SPEN: variants seen among roughly 807,000 people sequenced by gnomAD.
SPEN encodes the protein spen family transcriptional repressor.
In SPEN, 18 loss-of-function variants were observed where a neutral mutation model predicts 269.9. The ratio of observed to expected loss-of-function variants is 0.07; its 90% CI spans 0.05 to 0.10. SPEN has a LOEUF of 0.10. Ranked by LOEUF, SPEN falls within the 10% of genes least tolerant of loss-of-function variation. The pLI is 1.00. For synonymous variants in SPEN, 1,726 were observed against 1,765.7 expected (o/e 0.98, Z 0.56); for missense variants, 3,822 against 4,631.2 (o/e 0.83, Z 5.07).
Position 15,931,807 on chromosome 1 carries a change from A to C in SPEN, c.5567A>C (p.Asn1856Thr), listed in dbSNP as rs113470169. ...GACCGGGAAAAACTCAAGCGGTCCA[A>C]TTCTCCTCGGGGAGAAGCACAGAAG... ...RIDREKLKRS[N>T]SPRGEAQKLL... The change falls in exon 11 of 15, where the codon AAT becomes ACT. Residue 1856 changes from asparagine to threonine, a missense_variant. Coordinates refer to ENST00000375759, the MANE Select transcript of SPEN (RefSeq NM_015001.3). This position sits in a 1 kb window ranked among gnomAD's most constrained non-coding sequence, Gnocchi z 4.8. 36 of 1,614,118 alleles carry C rather than the reference A, an allele frequency of 2.2e-5. No individual in the cohort carries two copies. Among genetic ancestry groups the C allele is most frequent in the East Asian group, 1.6e-4 (7 of 44,902 alleles).
chr1:15,898,173 T>TTGTGTGTGTGTG lies in SPEN; in HGVS notation c.882-11122_882-11111dup, dbSNP rs58297957. ...TTGTATTTTACTTCTTAATTTATCT[T>TTGTGTGTGTGTG]TGTGTGTGTGTGTGTGTGTGTGTGT... is the stretch of plus-strand genomic sequence containing the variant. On this transcript the variant is annotated intron_variant, in intron 3 of 14. Coordinates refer to ENST00000375759, the MANE Select transcript of SPEN (RefSeq NM_015001.3). 2.1e-3 allele frequency among the ~76,000 whole-genome samples: 304 copies of TTGTGTGTGTGTG among 147,484 alleles called. 2 individuals carry two copies. Among genetic ancestry groups the TTGTGTGTGTGTG allele is most frequent in the Non-Finnish European group, 2.7e-3 (180 of 66,642 alleles).
intron 3 of SPEN, among the ~76,000 whole-genome samples, chr1:15,904,364 G>T (rs2070931881): frequency 6.7e-6 from 1 of 148,326 alleles, no homozygotes; most frequent in Non-Finnish European, 1.5e-5. Context: ...TACTTGGGAG[G>T]CTGAGGCAGG....
At chr1:15,925,302 C>T (rs2071155476) in intron 10 of SPEN, among the ~76,000 whole-genome samples, 2 of 152,162 alleles carry the variant, frequency 1.3e-5, no homozygotes, top group African/African-American at 2.4e-5. Context: ...ATTCAGATGA[C>T]ATCTACTTAT....
intron 5 of SPEN, among the ~76,000 whole-genome samples, chr1:15,913,669 G>A (rs978315454): frequency 1.3e-5 from 2 of 151,768 alleles, no homozygotes; most frequent in Admixed American, 1.3e-4. Context: ...CAGGAGGATC[G>A]CTTGAGCCCA....
At chr1:15,936,967 G>A (rs2071281268) in intron 11 of SPEN, among the ~76,000 whole-genome samples, 196 bp from the exon 12 acceptor site, 1 of 152,102 alleles carries the variant, frequency 6.6e-6, no homozygotes, top group Non-Finnish European at 1.5e-5. Flanking sequence ...ATCAGCAGGA[G>A]GCAGGTAATA....
chr1:15,852,932 A>T (rs933914792), intron 1 of SPEN, among the ~76,000 whole-genome samples: 3 of 152,152 alleles, frequency 2.0e-5, no homozygotes, highest in Non-Finnish European at 4.4e-5. Flanking sequence ...TCACGGCTCA[A>T]TGCAGCCTTG....
chr1:15,936,092 CCCT>C lies in SPEN; in HGVS notation c.9856_9858del (p.Pro3286del). 6.2e-7 allele frequency: 1 copy of C among 1,606,474 alleles called. No individual in the cohort carries two copies. The highest frequency in any genetic ancestry group is 8.5e-7 in the Non-Finnish European group (1 of 1,174,536). Reference sequence around the variant, plus strand: ...ACCAACTCCAGGGGCTGCCTCTGACCCCTCCTGTGGTGGTGACCCATGGGGTGC... The same window carrying C: ...ACCAACTCCAGGGGCTGCCTCTGACCCCTGTGGTGGTGACCCATGGGGTGC... On this transcript the variant is annotated inframe_deletion, in exon 11 of 15. Transcript: ENST00000375759.
rs1344618073 is a variant in SPEN, at chr1:15,937,765, C to T, written c.10510-47C>T. The T allele has an allele frequency of 1.9e-6, 3 of 1,611,460 alleles. No individual in the cohort carries two copies. Among genetic ancestry groups the T allele is most frequent in the East Asian group, 2.2e-5 (1 of 44,868 alleles). On this transcript the variant is annotated intron_variant, in intron 12 of 14. Transcript: ENST00000375759. This position sits in a 1 kb window ranked among gnomAD's most constrained non-coding sequence, Gnocchi z 5.7. ...GCCTCTGGCTGTGTCCAGCATGGCT[C>T]AGCGAGGGGCCATGAGCTCACTTCC... is the stretch of plus-strand genomic sequence containing the variant.
chr1:15,872,314 C>T (rs1472945859), intron 1 of SPEN, among the ~76,000 whole-genome samples: 7 of 151,100 alleles, frequency 4.6e-5, no homozygotes, highest in South Asian at 4.2e-4. Context: ...AGGAATGGGC[C>T]GGGCGCGGTG....
intron 5 of SPEN, among the ~76,000 whole-genome samples, chr1:15,912,017 T>G (rs985014557): frequency 6.6e-6 from 1 of 152,176 alleles, no homozygotes; most frequent in Non-Finnish European, 1.5e-5. Context: ...GTGGGGGACT[T>G]GTTAGACCAG....
At chr1:15,896,184 T>C (rs2070840060) in intron 3 of SPEN, among the ~76,000 whole-genome samples, 1 of 133,660 alleles carries the variant, frequency 7.5e-6, no homozygotes, top group Admixed American at 7.7e-5. Context: ...GATTTTACCA[T>C]CACTTTTTTT....
At chr1:15,880,508 T>C (rs1041338801) in intron 3 of SPEN, among the ~76,000 whole-genome samples, 1 of 142,520 alleles carries the variant, frequency 7.0e-6, no homozygotes, top group African/African-American at 2.7e-5. Context: ...CAGGCTGGAG[T>C]GCGGTGGCGC....
intron 5 of SPEN, among the ~76,000 whole-genome samples, chr1:15,913,431 T>A (rs1259857319): frequency 6.6e-6 from 1 of 152,092 alleles, no homozygotes; most frequent in African/African-American, 2.4e-5. Flanking sequence ...AATTTACTGC[T>A]GAGCGTGGTG....
intron 3 of SPEN, among the ~76,000 whole-genome samples, chr1:15,901,456 G>A (rs950119552): frequency 6.6e-6 from 1 of 151,434 alleles, no homozygotes; most frequent in Non-Finnish European, 1.5e-5. Context: ...AGACAACATG[G>A]CAAGACCCTG....
At chr1:15,867,712 CT>C (rs796378051) in intron 1 of SPEN, among the ~76,000 whole-genome samples, 600 of 137,726 alleles carry the variant, frequency 4.4e-3, no homozygotes, top group Admixed American at 4.6e-3. Context: ...TTGTCATTGC[CT>C]TTTTTTTTTT....
intron 1 of SPEN, among the ~76,000 whole-genome samples, chr1:15,850,400 G>GT (rs34927068): frequency 3.3e-4 from 50 of 149,934 alleles, no homozygotes; most frequent in Admixed American, 1.3e-3. Context: ...TATTTTAAAG[G>GT]TTTTTTTTTT....
Position 15,929,426 on chromosome 1 carries a change from C to T in SPEN, c.3186C>T (p.Ser1062=). Residue 1062 remains serine (S), a synonymous_variant, in exon 11 of 15, where the codon AGC becomes AGT. Coordinates refer to ENST00000375759, the MANE Select transcript of SPEN (RefSeq NM_015001.3). This position sits in a 1 kb window ranked among gnomAD's most constrained non-coding sequence, Gnocchi z 5.8. ...IKLDRLNTVA[S]PKDCQELASI... ...TGGACAGACTTAATACTGTTGCCAGCCCCAAAGACTGTCAGGAGCTTGCCA... is the reference window on the plus strand; with the variant it reads ...TGGACAGACTTAATACTGTTGCCAGTCCCAAAGACTGTCAGGAGCTTGCCA... The T allele has an allele frequency of 6.2e-7, 1 of 1,613,736 alleles. No individual in the cohort carries two copies. Among genetic ancestry groups the T allele is most frequent in the Non-Finnish European group, 8.5e-7 (1 of 1,179,874 alleles).
chr1:15,857,576 T>C (rs1200900427), intron 1 of SPEN, among the ~76,000 whole-genome samples: 2 of 150,866 alleles, frequency 1.3e-5, no homozygotes, highest in Admixed American at 6.6e-5. Flanking sequence ...AGGCTGGTCT[T>C]GAACTCCTGA....
chr1:15,858,969 A>G lies in SPEN; in HGVS notation c.83+10819A>G, dbSNP rs147755603. Among the ~76,000 whole-genome samples the G allele has an allele frequency of 4.2e-3, 640 of 152,196 alleles. 9 individuals carry two copies. Among genetic ancestry groups the G allele is most frequent in the African/African-American group, 0.015 (604 of 41,528 alleles). On this transcript the variant is annotated intron_variant, in intron 1 of 14. Transcript: ENST00000375759. ...AAAAAACAAACAAACAAAAAACTTAATGTTTTGAAATAGTGTATAGCTATT... is the reference window on the plus strand; with the variant it reads ...AAAAAACAAACAAACAAAAAACTTAGTGTTTTGAAATAGTGTATAGCTATT...
Sources: gnomAD v4.1 joint callset for allele counts (sites outside exome capture counted in the v4.1 genomes callset) on GRCh38, gnomAD v4.1.1 for gene constraint, Gnocchi (gnomAD v3.1) non-coding constraint, MANE v1.5 for transcripts, NCBI Gene and HGNC (gene_info 2026-07-23, HGNC 2026-07-21) for gene names.